The following MAP3K1 variants were observed in gnomAD, a reference collection of about 807,000 sequenced individuals.
The protein encoded by MAP3K1 is mitogen-activated protein kinase kinase kinase 1.
Under a neutral mutation model 144.2 loss-of-function variants are expected in MAP3K1, and 36 were observed. The ratio of observed to expected loss-of-function variants is 0.25; its 90% CI spans 0.19 to 0.33. The LOEUF (loss-of-function observed/expected upper bound fraction) is 0.33, where lower values mean the gene tolerates loss of function less well. MAP3K1 is among the 10% of genes least tolerant of loss of function. MAP3K1 has a pLI of 1.00. For synonymous variants in MAP3K1, 718 were observed against 688.7 expected (o/e 1.04, Z -0.67); for missense variants, 1,650 against 1,881.9 (o/e 0.88, Z 2.28).
At chr5:56,884,098 G>A (rs1270229619) in intron 15 of MAP3K1, among the ~76,000 whole-genome samples, 2 of 152,066 alleles carry the variant, frequency 1.3e-5, no homozygotes, top group Admixed American at 6.6e-5. Flanking sequence ...GCAGTGAGCC[G>A]AGATCGCACC....
intron 9 of MAP3K1, 103 bp downstream of exon 9, chr5:56,873,108 A>G: frequency 9.3e-7 from 1 of 1,079,646 alleles, no homozygotes; most frequent in East Asian, 2.6e-5. Flanking sequence ...AAACACTTTT[A>G]CTTGCCTCCA....
At chr5:56,887,333 T>G in intron 17 of MAP3K1, 45 bp from the exon 18 acceptor site, 1 of 1,607,294 alleles carries the variant, frequency 6.2e-7, no homozygotes, top group Non-Finnish European at 8.5e-7. Flanking sequence ...TCTGTCCTTA[T>G]TTTTGTTTTT....
intron 11 of MAP3K1, among the ~76,000 whole-genome samples, 171 bp downstream of exon 11, chr5:56,879,272 C>T (rs545383831): frequency 3.5e-4 from 53 of 152,260 alleles, no homozygotes; most frequent in African/African-American, 1.2e-3. Flanking sequence ...TAAGGACTGG[C>T]GGAAAGAACT....
chr5:56,891,376 AAG>A (rs1748547696), intron 19 of MAP3K1, among the ~76,000 whole-genome samples: 1 of 152,168 alleles, frequency 6.6e-6, no homozygotes, highest in Non-Finnish European at 1.5e-5. Flanking sequence ...GGGTAGGGAA[AAG>A]AGAGTTTTCT....
intron 1 of MAP3K1, among the ~76,000 whole-genome samples, chr5:56,838,198 G>A (rs751756263): frequency 1.6e-4 from 24 of 151,166 alleles, no homozygotes; most frequent in Non-Finnish European, 1.5e-4. Flanking sequence ...TCATATGCAT[G>A]CCTATGAAAA....
chr5:56,826,021 T>G (rs538829605), intron 1 of MAP3K1, among the ~76,000 whole-genome samples: 1 of 152,074 alleles, frequency 6.6e-6, no homozygotes, highest in Non-Finnish European at 1.5e-5. Flanking sequence ...TTATAAGAAG[T>G]ATTGGCATGA....
At chr5:56,870,913 T>G (rs943212254) in intron 6 of MAP3K1, among the ~76,000 whole-genome samples, 3 of 152,180 alleles carry the variant, frequency 2.0e-5, no homozygotes, top group Non-Finnish European at 4.4e-5. Context: ...TAACAAAATT[T>G]CCTTCCAGAG....
At chr5:56,887,575 A>T (rs1748414968) in intron 18 of MAP3K1, 55 bp downstream of exon 18, 23 of 1,583,132 alleles carry the variant, frequency 1.5e-5, no homozygotes, top group Non-Finnish European at 2.0e-5. Flanking sequence ...TCTGTGTAAC[A>T]GCATTATACT....
At position 56,815,597 on chromosome 5, in the gene MAP3K1, C is replaced by T. The variant is rs1447712521; in HGVS notation, c.24C>T (p.Arg8=). The change falls in exon 1 of 20, where the codon CGC becomes CGT. Residue 8 remains arginine, a synonymous_variant. Coordinates refer to ENST00000399503, the MANE Select transcript of MAP3K1 (RefSeq NM_005921.2). MAAAAGN[R]ASSSGFPGAR... Reference sequence around the variant, plus strand: ...AAATGGCGGCGGCGGCGGGGAATCGCGCCTCGTCGTCGGGATTCCCGGGCG... The same window carrying T: ...AAATGGCGGCGGCGGCGGGGAATCGTGCCTCGTCGTCGGGATTCCCGGGCG... 8.4e-6 allele frequency: 11 copies of T among 1,302,394 alleles called. No homozygotes were observed. Among genetic ancestry groups the T allele is most frequent in the Non-Finnish European group, 1.1e-5 (11 of 1,026,820 alleles). 80.7% of individuals were successfully genotyped at this position (1,302,394 alleles called of 1,614,324 possible).
At chr5:56,887,980 A>G (rs1748436818) in intron 18 of MAP3K1, 1 of 549,476 alleles carries the variant, frequency 1.8e-6, no homozygotes, top group Non-Finnish European at 3.2e-6. Flanking sequence ...CTCTTGCCAC[A>G]TAGTTTGCTA....
chr5:56,848,334 A>G (rs1747062011), intron 1 of MAP3K1, among the ~76,000 whole-genome samples: 2 of 152,180 alleles, frequency 1.3e-5, no homozygotes, highest in South Asian at 4.1e-4. Flanking sequence ...AGTTTATGGT[A>G]GAAGTTGTTA....
chr5:56,871,892 TC>T lies in MAP3K1; in HGVS notation c.1302-17del. The T allele has an allele frequency of 1.2e-6, 2 of 1,612,988 alleles. No homozygotes were observed. Among genetic ancestry groups the T allele is most frequent in the Non-Finnish European group, 1.7e-6 (2 of 1,179,036 alleles). ...ATATTCTTTTATGCTTAATACTTTT[TC>T]TTCCCCTTTTCTATAGCATAAAGGA... On this transcript the variant is annotated splice_polypyrimidine_tract_variant and intron_variant, in intron 6 of 19. Transcript: ENST00000399503.
chr5:56,825,551 C>T (rs191531219), intron 1 of MAP3K1, among the ~76,000 whole-genome samples: 95 of 152,314 alleles, frequency 6.2e-4, no homozygotes, highest in African/African-American at 2.3e-3. Context: ...GTCACATGTC[C>T]AGGCTGCATC....
At chr5:56,832,713 T>A (rs1453457720) in intron 1 of MAP3K1, among the ~76,000 whole-genome samples, 2 of 152,236 alleles carry the variant, frequency 1.3e-5, no homozygotes, top group African/African-American at 4.8e-5. Flanking sequence ...TTTATTATCT[T>A]GGAAAAATTA....
intron 1 of MAP3K1, among the ~76,000 whole-genome samples, chr5:56,824,567 C>T (rs1746252385): frequency 6.6e-6 from 1 of 152,152 alleles, no homozygotes; most frequent in Non-Finnish European, 1.5e-5. Flanking sequence ...AGCATTGGTA[C>T]AATTAGTTCC....
In MAP3K1 at chr5:56,882,223, G is replaced by C. The variant is rs1026320605; in HGVS notation, c.3023G>C (p.Gly1008Ala). 6.2e-7 allele frequency: 1 copy of C among 1,614,076 alleles called. No individual in the cohort carries two copies. Among genetic ancestry groups the C allele is most frequent in the Non-Finnish European group, 8.5e-7 (1 of 1,180,020 alleles). The change falls in exon 14 of 20, where the codon GGA becomes GCA. Residue 1008 changes from glycine to alanine, a missense_variant. This residue lies in a region of MAP3K1 where 841 missense variants were observed against 886.5 expected (regional missense o/e 0.95). Transcript: ENST00000399503. ...ATDVSKHRLQGFIPCRIPSAS... is the reference protein window; with the variant it reads ...ATDVSKHRLQAFIPCRIPSAS... ...GATGTCTCTAAGCATAGACTTCAGG[G>C]ATTCATTCCCTGCAGAATACCTTCT... is the stretch of plus-strand genomic sequence containing the variant.
chr5:56,861,654 A>T (rs946713783), intron 3 of MAP3K1, among the ~76,000 whole-genome samples: 4 of 151,798 alleles, frequency 2.6e-5, no homozygotes, highest in Non-Finnish European at 4.4e-5. Flanking sequence ...ACTTTCTTTC[A>T]TATACTTTAA....
At chr5:56,837,287 G>C (rs1746684082) in intron 1 of MAP3K1, among the ~76,000 whole-genome samples, 1 of 152,114 alleles carries the variant, frequency 6.6e-6, no homozygotes, top group South Asian at 2.1e-4. Context: ...AAAATTAACA[G>C]CCATTAACAA....
At chr5:56,816,121 C>G in intron 1 of MAP3K1, 66 bp downstream of exon 1, 7 of 1,178,506 alleles carry the variant, frequency 5.9e-6, no homozygotes, top group Non-Finnish European at 7.4e-6. Flanking sequence ...GAATGAACCC[C>G]GGGCACCATG....
Sources: gnomAD v4.1 joint callset for allele counts (sites outside exome capture counted in the v4.1 genomes callset) on GRCh38, gnomAD v4.1.1 for gene constraint, gnomAD v4.1.1 regional missense constraint, MANE v1.5 for transcripts, NCBI Gene and HGNC (gene_info 2026-07-23, HGNC 2026-07-21) for gene names.